Variants in KCNH5 observed in about 807,000 individuals in gnomAD.
The protein encoded by KCNH5 is voltage-gated delayed rectifier potassium channel KCNH5.
A neutral mutation model predicts 96.1 loss-of-function variants in KCNH5; 46 were observed. The observed-to-expected ratio is 0.48, with a 90% CI of 0.38 to 0.61. The LOEUF (loss-of-function observed/expected upper bound fraction) is 0.61, where lower values mean the gene tolerates loss of function less well. KCNH5 is among the 20% of genes least tolerant of loss of function. The pLI, the probability that KCNH5 is intolerant of heterozygous loss-of-function variation, is 0.00. For synonymous variants in KCNH5, 439 were observed against 449.8 expected (o/e 0.98, Z 0.30); for missense variants, 907 against 1,225.8 (o/e 0.74, Z 3.88).
chr14:62,799,694 TATATA>T, intron 9 of KCNH5, among the ~76,000 whole-genome samples: 1 of 42,034 alleles, frequency 2.4e-5, no homozygotes, highest in African/African-American at 1.1e-4. Context: ...TATACCTTTA[TATATA>T]TATATATATA....
Position 62,802,526 on chromosome 14 carries a change from C to T in KCNH5, c.1625G>A (p.Arg542Gln), listed in dbSNP as rs762196737. ...AGCAGGATGTTCATTAAAAACCTTC[C>T]GGTTTAGATGAACACAGATATCAGC... is the stretch of plus-strand genomic sequence containing the variant. ...MRADICVHLN[R>Q]KVFNEHPAFR... The change falls in exon 9 of 11, where the codon CGG becomes CAG. Residue 542 changes from arginine (R) to glutamine (Q), a missense_variant. Coordinates refer to ENST00000322893, the MANE Select transcript of KCNH5 (RefSeq NM_139318.5). The T allele has an allele frequency of 1.6e-5, 26 of 1,613,944 alleles. No homozygotes were observed. The highest frequency in any genetic ancestry group is 3.3e-5 in the Admixed American group (2 of 59,992).
chr14:62,928,694 G>C (rs2140114088), intron 7 of KCNH5, among the ~76,000 whole-genome samples: 1 of 152,126 alleles, frequency 6.6e-6, no homozygotes, highest in East Asian at 1.9e-4. Flanking sequence ...TGATTGACCT[G>C]TAAGAGGAAC....
intron 7 of KCNH5, among the ~76,000 whole-genome samples, chr14:62,923,345 T>C (rs190416028): frequency 2.6e-3 from 398 of 151,936 alleles, no homozygotes; most frequent in Admixed American, 4.8e-3. Context: ...TGGAAAGACA[T>C]CCCATGTTCA....
Position 62,780,052 on chromosome 14 carries a change from T to C in KCNH5, c.1823-128A>G. 8 of 573,560 alleles carry C rather than the reference T, an allele frequency of 1.4e-5. 2 individuals carry two copies. The South Asian group carries it at 3.0e-4, about 22-fold the overall frequency. The allele number at this position is 573,560 out of a possible 1,614,324, so 35.5% of individuals were successfully genotyped here. ...TTAGAGCTGAGGGTATAACCACATC[T>C]ATAAACACATAACAATACACAATGC... On this transcript the variant is annotated intron_variant, in intron 9 of 10. Transcript: ENST00000322893.
intron 6 of KCNH5, among the ~76,000 whole-genome samples, chr14:62,978,463 A>T (rs10150888): frequency 0.23 from 35,538 of 151,728 alleles, 4,318 homozygotes; most frequent in Non-Finnish European, 0.26. Context: ...GGCGGGCACC[A>T]GTAGTCCCAG....
chr14:62,829,750 A>G (rs1174177140), intron 8 of KCNH5, among the ~76,000 whole-genome samples: 1 of 152,102 alleles, frequency 6.6e-6, no homozygotes, highest in Non-Finnish European at 1.5e-5. Flanking sequence ...CATTTTCCCC[A>G]TTGTCTTGGC....
intron 7 of KCNH5, among the ~76,000 whole-genome samples, chr14:62,869,602 C>A (rs1252353294): frequency 2.6e-5 from 4 of 152,078 alleles, no homozygotes; most frequent in African/African-American, 7.2e-5. Flanking sequence ...AAGTTTTTAT[C>A]CATGCCTATG....
chr14:62,912,653 G>C (rs1004310913), intron 7 of KCNH5, among the ~76,000 whole-genome samples: 5 of 152,104 alleles, frequency 3.3e-5, no homozygotes, highest in Admixed American at 3.3e-4. Context: ...CAATCCGCCA[G>C]CCTCGGCCTC....
chr14:62,940,766 TCCTGGG>T (rs1259997245), intron 7 of KCNH5, among the ~76,000 whole-genome samples: 2 of 152,348 alleles, frequency 1.3e-5, no homozygotes, highest in African/African-American at 4.8e-5. Flanking sequence ...CTAGAAATCC[TCCTGGG>T]CTCCCTCAGG....
At chr14:62,982,789 A>C (rs1431350116) in intron 5 of KCNH5, among the ~76,000 whole-genome samples, 1 of 152,114 alleles carries the variant, frequency 6.6e-6, no homozygotes, top group Non-Finnish European at 1.5e-5. Context: ...GTATGTTAGA[A>C]TTGTTATTTT....
At chr14:62,943,786 A>G (rs1889834644) in intron 7 of KCNH5, among the ~76,000 whole-genome samples, 1 of 152,158 alleles carries the variant, frequency 6.6e-6, no homozygotes, top group African/African-American at 2.4e-5. Flanking sequence ...CACTCAAGGC[A>G]GACAGAGTAT....
chr14:63,015,767 G>C (rs1891316357), intron 2 of KCNH5, among the ~76,000 whole-genome samples: 1 of 151,702 alleles, frequency 6.6e-6, no homozygotes, highest in Non-Finnish European at 1.5e-5. Context: ...GTACCCAAGG[G>C]TTTCATATCC....
intron 1 of KCNH5, among the ~76,000 whole-genome samples, chr14:63,021,971 A>G (rs574527369): frequency 1.3e-5 from 2 of 152,218 alleles, no homozygotes; most frequent in Non-Finnish European, 2.9e-5. Context: ...CTTTACTCTT[A>G]TATGCTTATC....
intron 8 of KCNH5, among the ~76,000 whole-genome samples, chr14:62,846,150 T>G (rs1008347221): frequency 2.6e-5 from 4 of 152,144 alleles, no homozygotes; most frequent in East Asian, 1.9e-4. Context: ...TTGTTTGTTT[T>G]TTTAAGTTTT....
chr14:62,893,411 C>T (rs957814266), intron 7 of KCNH5, among the ~76,000 whole-genome samples: 1 of 152,184 alleles, frequency 6.6e-6, no homozygotes, highest in Non-Finnish European at 1.5e-5. Context: ...GGAATCTACT[C>T]CTGGTGAAGA....
intron 4 of KCNH5, among the ~76,000 whole-genome samples, chr14:62,997,263 A>T (rs1167033120): frequency 6.6e-6 from 1 of 152,206 alleles, no homozygotes; most frequent in African/African-American, 2.4e-5. Flanking sequence ...GATGGTTACA[A>T]GAGGCTGGGA....
chr14:62,947,980 C>T (rs919357215), intron 7 of KCNH5, among the ~76,000 whole-genome samples: 3 of 151,864 alleles, frequency 2.0e-5, no homozygotes, highest in Non-Finnish European at 4.4e-5. Context: ...CTCCCCTCTC[C>T]CCCCACCCCA....
chr14:62,723,851 C>T (rs1251618062), intron 10 of KCNH5, among the ~76,000 whole-genome samples: 1 of 152,170 alleles, frequency 6.6e-6, no homozygotes, highest in African/African-American at 2.4e-5. Context: ...ATTGAATGAG[C>T]ATGTGTTCAC....
chr14:62,726,855 T>G (rs1013006060), intron 10 of KCNH5, among the ~76,000 whole-genome samples: 2 of 152,178 alleles, frequency 1.3e-5, no homozygotes, highest in African/African-American at 4.8e-5. Context: ...ATAAAAGTGT[T>G]TATCAAGGGT....
Sources: allele counts gnomAD v4.1 joint callset (sites outside exome capture counted in the v4.1 genomes callset), GRCh38; gene constraint gnomAD v4.1.1; transcripts MANE v1.5; gene names NCBI Gene and HGNC (gene_info 2026-07-23, HGNC 2026-07-21).